Variants in CAST observed in about 807,000 individuals in gnomAD.
CAST encodes calpastatin.
CAST carries 76 observed loss-of-function variants against 119.6 expected under a neutral mutation model. The observed-to-expected ratio is 0.64, with a 90% confidence interval of 0.53 to 0.77. CAST has a LOEUF of 0.77. Among genes scored for constraint, CAST ranks in the 30% least tolerant of loss-of-function variants. CAST has a pLI of 0.00. For missense variants in CAST, 953 were observed against 946.5 expected (o/e 1.01, Z -0.09); for synonymous variants, 319 against 331.6 (o/e 0.96, Z 0.41).
At chr5:96,594,195 A>C (rs1747014280) in intron 1 of CAST, among the ~76,000 whole-genome samples, 1 of 152,236 alleles carries the variant, frequency 6.6e-6, no homozygotes, top group Non-Finnish European at 1.5e-5. Flanking sequence ...AACATGAATG[A>C]GCAAGAAACT....
At chr5:96,534,590 AC>A (rs1745747128) in intron 1 of CAST, among the ~76,000 whole-genome samples, 1 of 150,866 alleles carries the variant, frequency 6.6e-6, no homozygotes, top group Admixed American at 6.6e-5. Context: ...AATCCCTTGA[AC>A]CCAGGAGGCA....
chr5:96,722,557 G>T, intron 3 of CAST, 82 bp from the exon 4 acceptor site: 2 of 1,056,218 alleles, frequency 1.9e-6, no homozygotes, highest in Non-Finnish European at 3.0e-6. Flanking sequence ...GCCAAGGGCA[G>T]TATGGTTAAG....
chr5:96,740,480 A>G (rs1355882852), intron 12 of CAST, among the ~76,000 whole-genome samples: 2 of 152,050 alleles, frequency 1.3e-5, no homozygotes, highest in Non-Finnish European at 2.9e-5. Context: ...CTGTGCTTCT[A>G]TGCATATCTC....
chr5:96,017,182 C>G, the CAST span, among the ~76,000 whole-genome samples: 6 of 152,118 alleles, frequency 3.9e-5, no homozygotes, highest in Admixed American at 3.9e-4. Context: ...GGCTGGACCT[C>G]TGACAAATAT....
At chr5:96,035,566 C>T in the CAST span, among the ~76,000 whole-genome samples, 5 of 151,580 alleles carry the variant, frequency 3.3e-5, no homozygotes, top group East Asian at 7.8e-4. Context: ...GAAAATACTA[C>T]ATCTGGTGAA....
At chr5:96,245,037 A>AT in the CAST span, among the ~76,000 whole-genome samples, 1 of 152,194 alleles carries the variant, frequency 6.6e-6, no homozygotes, top group Non-Finnish European at 1.5e-5. Context: ...TCCACTCACA[A>AT]TTTATTTAAA....
At chr5:96,509,558 T>C in the CAST span, among the ~76,000 whole-genome samples, 1 of 152,208 alleles carries the variant, frequency 6.6e-6, no homozygotes, top group African/African-American at 2.4e-5. Flanking sequence ...CTGCTATAAA[T>C]AATCCATCTT....
intron 1 of CAST, among the ~76,000 whole-genome samples, chr5:96,673,653 A>T: frequency 6.6e-6 from 1 of 152,214 alleles, no homozygotes; most frequent in Non-Finnish European, 1.5e-5. Flanking sequence ...CCTCATGCTA[A>T]TGGCCCCCTT....
At chr5:96,040,894 T>A in the CAST span, among the ~76,000 whole-genome samples, 3 of 152,164 alleles carry the variant, frequency 2.0e-5, no homozygotes. Context: ...ATAAAATGAG[T>A]TAGGCAGGAT....
chr5:96,408,300 G>C, the CAST span: 1 of 1,614,018 alleles, frequency 6.2e-7, no homozygotes, highest in Non-Finnish European at 8.5e-7. Flanking sequence ...TCTCCGTGCA[G>C]TCATTGTGCA....
chr5:96,596,914 G>A (rs985414837), intron 1 of CAST, among the ~76,000 whole-genome samples: 3 of 152,176 alleles, frequency 2.0e-5, no homozygotes, highest in African/African-American at 7.2e-5. Context: ...GAGCATGTGA[G>A]GAGAGAGAGA....
At chr5:96,051,220 CAGAG>C in the CAST span, among the ~76,000 whole-genome samples, 5 of 151,116 alleles carry the variant, frequency 3.3e-5, no homozygotes, top group Admixed American at 6.6e-5. Flanking sequence ...GTGTGACACA[CAGAG>C]AGAGAGAGAG....
the CAST span, among the ~76,000 whole-genome samples, chr5:95,971,569 G>GT: frequency 6.6e-6 from 1 of 152,048 alleles, no homozygotes; most frequent in Admixed American, 6.6e-5. Context: ...CTCCTCGAAG[G>GT]AACTCCTTGA....
rs369866730 is a variant in CAST, at chr5:96,668,291, T to C, written c.75+5794T>C. 7.2e-5 allele frequency among the ~76,000 whole-genome samples: 11 copies of C among 152,330 alleles called. 1 individual carries two copies. Among genetic ancestry groups the C allele is most frequent in the African/African-American group, 2.6e-4 (11 of 41,566 alleles). The stretch of plus-strand genomic sequence containing the variant: ...CCCCCATGTAGTTTATCTCCTTGAG[T>C]GTTATACGAAGATGTGAGAATAATA... On this transcript the variant is annotated intron_variant, in intron 1 of 31. Coordinates refer to ENST00000675179, the MANE Select transcript of CAST (RefSeq NM_001750.7).
chr5:96,668,809 T>TAA lies in CAST; in HGVS notation c.75+6323_75+6324dup, dbSNP rs34079986. Among the ~76,000 whole-genome samples the TAA allele has an allele frequency of 2.4e-3, 350 of 144,340 alleles. 1 individual carries two copies. The highest frequency in any genetic ancestry group is 7.2e-3 in the African/African-American group (289 of 40,312). The allele number at this position is 144,340 out of a possible 152,430, so 94.7% of individuals were successfully genotyped here. A position where few individuals can be genotyped will look rare whatever the true frequency, so the allele number is the denominator to read the frequency against. On this transcript the variant is annotated intron_variant, in intron 1 of 31. Transcript: ENST00000675179. ...TAACATAGGGAATTGGTTACCCAGGTAAAAAAAAAAAAGGCTGGGAAGCCG... is the reference window on the plus strand; with the variant it reads ...TAACATAGGGAATTGGTTACCCAGGTAAAAAAAAAAAAAAGGCTGGGAAGCCG...
the CAST span, among the ~76,000 whole-genome samples, chr5:96,467,055 G>A: frequency 6.6e-6 from 1 of 152,046 alleles, no homozygotes; most frequent in African/African-American, 2.4e-5. Context: ...TATTCTCAAT[G>A]TTTTAATATT....
At chr5:96,644,317 A>T (rs1194903642) in intron 1 of CAST, among the ~76,000 whole-genome samples, 1 of 152,232 alleles carries the variant, frequency 6.6e-6, no homozygotes, top group Non-Finnish European at 1.5e-5. Flanking sequence ...TGCTTCTCCA[A>T]GAATAAGGCA....
At chr5:96,412,668 A>G in the CAST span, among the ~76,000 whole-genome samples, 1 of 151,602 alleles carries the variant, frequency 6.6e-6, no homozygotes, top group Non-Finnish European at 1.5e-5. Context: ...GAAGGAAGGA[A>G]CATGTTGCTG....
the CAST span, among the ~76,000 whole-genome samples, chr5:96,506,077 C>G: frequency 1.3e-5 from 2 of 152,170 alleles, no homozygotes; most frequent in African/African-American, 4.8e-5. Flanking sequence ...TTCTAGTTTT[C>G]CATTTTTCCC....
Sources: gnomAD v4.1 joint callset for allele counts (sites outside exome capture counted in the v4.1 genomes callset) on GRCh38, gnomAD v4.1.1 for gene constraint, MANE v1.5 for transcripts, NCBI Gene and HGNC (gene_info 2026-07-23, HGNC 2026-07-21) for gene names.